The following USP15 variants were observed in gnomAD, a reference collection of about 807,000 sequenced individuals.
USP15 encodes the protein ubiquitin specific peptidase 15.
USP15 carries 18 observed loss-of-function variants against 127.1 expected under a neutral mutation model. The observed-to-expected ratio is 0.14, with a 90% CI of 0.10 to 0.21. USP15 has a LOEUF of 0.21. USP15 is among the 10% of genes least tolerant of loss of function. The probability of loss-of-function intolerance (pLI) is 1.00; values close to 1 mark genes in which losing one functional copy is unlikely to be tolerated. For synonymous variants in USP15, 364 were observed against 393.7 expected (o/e 0.92, Z 0.89); for missense variants, 805 against 1,159.9 (o/e 0.69, Z 4.44).
chr12:62,316,232 C>T (rs1158915052), intron 4 of USP15, among the ~76,000 whole-genome samples: 3 of 150,368 alleles, frequency 2.0e-5, no homozygotes, highest in African/African-American at 7.3e-5. Context: ...TTGCAGTGGG[C>T]CGAAACCGTA....
intron 3 of USP15, among the ~76,000 whole-genome samples, chr12:62,307,750 A>G (rs1261342650): frequency 6.6e-6 from 1 of 152,118 alleles, no homozygotes; most frequent in Non-Finnish European, 1.5e-5. Context: ...CCCGTTTGTC[A>G]CTTAGTAGCC....
At position 62,298,494 on chromosome 12, in the gene USP15, G is replaced by A. The variant is rs540767561; in HGVS notation, c.217+4188G>A. ...ATTCTGGCCAACATGGTGAAACCCC[G>A]TCTCTATTAAAAATACAAAAAATTA... On this transcript the variant is annotated intron_variant, in intron 2 of 21. Coordinates refer to ENST00000280377, the MANE Select transcript of USP15 (RefSeq NM_001252078.2). Among the ~76,000 whole-genome samples, 8 of 152,136 alleles carry A rather than the reference G, an allele frequency of 5.3e-5. No individual in the cohort carries two copies. The East Asian group carries it at 9.7e-4, about 18-fold the overall frequency.
chr12:62,326,912 A>G (rs1438148612), intron 6 of USP15, among the ~76,000 whole-genome samples: 1 of 152,124 alleles, frequency 6.6e-6, no homozygotes, highest in African/African-American at 2.4e-5. Flanking sequence ...CAGGCAGATC[A>G]AGAGGTCAGG....
chr12:62,389,971 C>G lies in USP15; in HGVS notation c.1827C>G (p.Leu609=). The G allele has an allele frequency of 6.2e-7, 1 of 1,606,762 alleles. No individual in the cohort carries two copies. The highest frequency in any genetic ancestry group is 8.5e-7 in the Non-Finnish European group (1 of 1,176,540). ...ATACTGAAGACAAACTTTATAATCT[C>G]CTGCTCTTGAGAATGTGGTAAGTGC... ...RNNTEDKLYN[L]LLLRMCRYVK... is the part of the protein sequence containing the mutation. Residue 609 remains leucine, a synonymous_variant, in exon 14 of 22, where the codon CTC becomes CTG. Coordinates refer to ENST00000280377, the MANE Select transcript of USP15 (RefSeq NM_001252078.2).
At chr12:62,400,530 G>A (rs1276162979) in intron 20 of USP15, among the ~76,000 whole-genome samples, 1 of 150,686 alleles carries the variant, frequency 6.6e-6, no homozygotes, top group Non-Finnish European at 1.5e-5. Flanking sequence ...TTGATCTGTG[G>A]TTGGTTGGGT....
chr12:62,302,944 A>G (rs1228729562), intron 3 of USP15, 24 bp downstream of exon 3: 20 of 1,593,088 alleles, frequency 1.3e-5, no homozygotes, highest in Non-Finnish European at 1.6e-5. Context: ...ATAACTGACT[A>G]TAAATATTAT....
chr12:62,403,699 A>G (rs561460677), intron 21 of USP15, among the ~76,000 whole-genome samples: 1 of 152,014 alleles, frequency 6.6e-6, no homozygotes, highest in Admixed American at 6.6e-5. Flanking sequence ...AACCTTAGGT[A>G]TTTTTTAATG....
At chr12:62,311,222 G>A (rs2064669396) in intron 3 of USP15, among the ~76,000 whole-genome samples, 1 of 151,806 alleles carries the variant, frequency 6.6e-6, no homozygotes, top group South Asian at 2.1e-4. Context: ...AAATACTTAG[G>A]AATAAACCTA....
At chr12:62,385,669 T>C (rs2137587783) in intron 11 of USP15, among the ~76,000 whole-genome samples, 2 of 152,098 alleles carry the variant, frequency 1.3e-5, no homozygotes, top group South Asian at 4.1e-4. Flanking sequence ...GGAATATGTG[T>C]TCACATTTTT....
At chr12:62,285,833 C>T (rs534976885) in intron 1 of USP15, among the ~76,000 whole-genome samples, 32 of 152,158 alleles carry the variant, frequency 2.1e-4, no homozygotes, top group Non-Finnish European at 8.8e-5. Context: ...AGTGATAGTT[C>T]TATTTTTAGT....
intron 8 of USP15, among the ~76,000 whole-genome samples, chr12:62,368,041 T>C (rs1289240562): frequency 1.3e-5 from 2 of 152,190 alleles, no homozygotes; most frequent in African/African-American, 4.8e-5. Flanking sequence ...AGAACATCTT[T>C]ATTTCTGCCT....
intron 20 of USP15, among the ~76,000 whole-genome samples, chr12:62,397,063 T>C (rs1380532699): frequency 6.6e-6 from 1 of 151,780 alleles, no homozygotes; most frequent in Non-Finnish European, 1.5e-5. Context: ...TGCAAGCAGT[T>C]GATTTTTCTG....
intron 4 of USP15, among the ~76,000 whole-genome samples, chr12:62,318,781 C>T (rs757259225): frequency 2.1e-4 from 32 of 152,182 alleles, no homozygotes; most frequent in Non-Finnish European, 3.4e-4. Context: ...TGTCATTCTT[C>T]CTTATCTCCA....
intron 4 of USP15, among the ~76,000 whole-genome samples, chr12:62,316,082 C>G (rs2064822021): frequency 6.6e-6 from 1 of 151,940 alleles, no homozygotes. Context: ...GTGAGGAGTT[C>G]GAGACCAGCC....
rs533225538 is a variant in USP15, at chr12:62,325,991, T to A, written c.683+58T>A. 4 of 1,433,720 alleles carry A rather than the reference T, an allele frequency of 2.8e-6. No individual in the cohort carries two copies. The East Asian group carries it at 6.9e-5, about 25-fold the overall frequency. 88.8% of individuals were successfully genotyped at this position (1,433,720 alleles called of 1,614,324 possible). ...TGATTTTGAAGCCCTTGATGCTAGA[T>A]AATCAAATCCACAATGATAGAAGAA... is the stretch of plus-strand genomic sequence containing the variant. On this transcript the variant is annotated intron_variant, in intron 6 of 21. Coordinates refer to ENST00000280377, the MANE Select transcript of USP15 (RefSeq NM_001252078.2).
intron 2 of USP15, 172 bp downstream of exon 2, chr12:62,294,478 A>G (rs991652461): frequency 5.6e-5 from 34 of 603,830 alleles, no homozygotes; most frequent in Non-Finnish European, 8.0e-5. Flanking sequence ...TTTATTAGTT[A>G]TTATTCTGTA....
intron 1 of USP15, among the ~76,000 whole-genome samples, chr12:62,290,686 T>G (rs2063936782): frequency 1.3e-5 from 2 of 152,214 alleles, no homozygotes; most frequent in South Asian, 4.1e-4. Flanking sequence ...GTTTCGTTGG[T>G]GTAATTATTT....
chr12:62,384,145 A>T lies in USP15; in HGVS notation c.1316A>T (p.His439Leu). The T allele has an allele frequency of 6.2e-7, 1 of 1,613,052 alleles. No individual in the cohort carries two copies. ...RNDSIIVDIF[H>L]GLFKSTLVCP... ...GATTCTATCATAGTAGATATATTTCATGGCCTTTTCAAATCAACTTTAGTT... is the reference window on the plus strand; with the variant it reads ...GATTCTATCATAGTAGATATATTTCTTGGCCTTTTCAAATCAACTTTAGTT... Residue 439 changes from histidine to leucine, a missense_variant, in exon 11 of 22, where the codon CAT becomes CTT. His to Leu is a moderately conservative substitution (Grantham distance 99). Coordinates refer to ENST00000280377, the MANE Select transcript of USP15 (RefSeq NM_001252078.2).
At chr12:62,387,692 TAAGG>T (rs1319523018) in intron 11 of USP15, among the ~76,000 whole-genome samples, 3 of 151,802 alleles carry the variant, frequency 2.0e-5, no homozygotes, top group East Asian at 1.9e-4. Flanking sequence ...AAATGGGAGA[TAAGG>T]AAGTTATGAT....
Sources: gnomAD v4.1 joint callset for allele counts (sites outside exome capture counted in the v4.1 genomes callset) on GRCh38, gnomAD v4.1.1 for gene constraint, MANE v1.5 for transcripts, NCBI Gene and HGNC (gene_info 2026-07-23, HGNC 2026-07-21) for gene names.